MTUS2: variants seen among roughly 807,000 people sequenced by gnomAD.
MTUS2 encodes microtubule associated scaffold protein 2, also known as microtubule-associated tumor suppressor candidate 2.
MTUS2 carries 40 observed loss-of-function variants against 114.1 expected under a neutral mutation model. The ratio of observed to expected loss-of-function variants is 0.35; its 90% CI spans 0.27 to 0.46. The LOEUF (loss-of-function observed/expected upper bound fraction) is 0.46, where lower values mean the gene tolerates loss of function less well. Ranked by LOEUF, MTUS2 falls within the 20% of genes least tolerant of loss-of-function variation. The probability of loss-of-function intolerance (pLI) is 1.00; values close to 1 mark genes in which losing one functional copy is unlikely to be tolerated. For synonymous variants in MTUS2, 688 were observed against 672.0 expected (o/e 1.02, Z -0.37); for missense variants, 1,679 against 1,705.4 (o/e 0.98, Z 0.27).
At chr13:29,196,107 TTTTTTTTG>T (rs946785456) in intron 5 of MTUS2, among the ~76,000 whole-genome samples, 1 of 151,938 alleles carries the variant, frequency 6.6e-6, no homozygotes, top group African/African-American at 2.4e-5. Context: ...GATTTTTTTT[TTTTTTTTG>T]AGATGGAGTC....
At chr13:28,886,360 G>T (rs1200828138) in intron 2 of MTUS2, among the ~76,000 whole-genome samples, 1 of 152,090 alleles carries the variant, frequency 6.6e-6, no homozygotes, top group African/African-American at 2.4e-5. Context: ...AGTAATGCAG[G>T]CAGGAGATTA....
chr13:29,476,374 T>TTC (rs1880705492), intron 9 of MTUS2: 1 of 121,872 alleles, frequency 8.2e-6, no homozygotes, highest in Non-Finnish European at 1.8e-5. Context: ...TTTCATTGTT[T>TTC]TATTTTGCCA....
intron 2 of MTUS2, among the ~76,000 whole-genome samples, chr13:28,936,363 A>G (rs1881899107): frequency 1.3e-5 from 2 of 152,196 alleles, no homozygotes; most frequent in Non-Finnish European, 2.9e-5. Context: ...GGAGATAAAA[A>G]TGCTTTATCT....
At chr13:28,878,720 C>G (rs549553593) in intron 2 of MTUS2, among the ~76,000 whole-genome samples, 1 of 152,262 alleles carries the variant, frequency 6.6e-6, no homozygotes, top group South Asian at 2.1e-4. Context: ...TTTTCTTTAT[C>G]CAGTCTATCA....
chr13:29,091,352 G>T (rs151180541), intron 4 of MTUS2, among the ~76,000 whole-genome samples: 57 of 152,228 alleles, frequency 3.7e-4, no homozygotes, highest in African/African-American at 1.3e-3. Flanking sequence ...GGTGCCATGG[G>T]TGTTTTTCTC....
chr13:29,408,418 C>T (rs1011541049), intron 8 of MTUS2, among the ~76,000 whole-genome samples: 58 of 152,234 alleles, frequency 3.8e-4, no homozygotes, highest in African/African-American at 1.3e-3. Context: ...TGGGCTCAAG[C>T]GATCCTCCCA....
chr13:29,381,703 G>C (rs539899249), intron 8 of MTUS2, among the ~76,000 whole-genome samples: 7 of 152,102 alleles, frequency 4.6e-5, no homozygotes, highest in Non-Finnish European at 1.0e-4. Flanking sequence ...CCTCCCAGTC[G>C]TTTAGGTTTG....
intron 6 of MTUS2, among the ~76,000 whole-genome samples, chr13:29,312,302 A>G (rs1019508763): frequency 6.6e-5 from 10 of 152,204 alleles, no homozygotes; most frequent in African/African-American, 1.9e-4. Flanking sequence ...GAAATCTCCA[A>G]CAGCTAATAC....
intron 1 of MTUS2, among the ~76,000 whole-genome samples, chr13:28,836,536 GT>G (rs1472957374): frequency 6.6e-6 from 1 of 152,206 alleles, no homozygotes; most frequent in East Asian, 1.9e-4. Context: ...GAAGTATCAT[GT>G]TTTATTGTGC....
intron 13 of MTUS2, 41 bp downstream of exon 13, chr13:29,497,377 C>G (rs770871373): frequency 6.4e-7 from 1 of 1,561,424 alleles, no homozygotes; most frequent in South Asian, 1.2e-5. Context: ...GCAGGAACCC[C>G]GCCCCAGCAA....
At chr13:29,096,692 A>C (rs1323009524) in intron 4 of MTUS2, among the ~76,000 whole-genome samples, 4 of 152,176 alleles carry the variant, frequency 2.6e-5, no homozygotes, top group African/African-American at 4.8e-5. Context: ...CTCTGTTCTT[A>C]TGGCCTGCCT....
At chr13:29,090,122 T>G (rs181361662) in intron 4 of MTUS2, among the ~76,000 whole-genome samples, 32 of 152,310 alleles carry the variant, frequency 2.1e-4, no homozygotes, top group African/African-American at 7.7e-4. Flanking sequence ...TTTTATGTTC[T>G]TTGATGCCCT....
intron 2 of MTUS2, among the ~76,000 whole-genome samples, chr13:28,941,698 C>T (rs1882247404): frequency 6.6e-6 from 1 of 151,534 alleles, no homozygotes; most frequent in African/African-American, 2.4e-5. Context: ...TTAATAGCTT[C>T]TTCAATCATT....
chr13:29,352,766 G>A (rs908821988), intron 7 of MTUS2, among the ~76,000 whole-genome samples: 4 of 152,096 alleles, frequency 2.6e-5, no homozygotes, highest in Non-Finnish European at 5.9e-5. Flanking sequence ...TGGACATTTT[G>A]GTTGTTTCAC....
intron 9 of MTUS2, among the ~76,000 whole-genome samples, chr13:29,440,932 T>G (rs191178841): frequency 6.6e-6 from 1 of 152,158 alleles, no homozygotes. Context: ...GTGGACAGAA[T>G]AGTGAGATCC....
intron 6 of MTUS2, among the ~76,000 whole-genome samples, chr13:29,310,020 A>G (rs563594427): frequency 7.2e-5 from 11 of 152,166 alleles, no homozygotes; most frequent in African/African-American, 2.4e-4. Flanking sequence ...TATTTATTCT[A>G]TCTAACTATA....
chr13:28,966,299 A>G (rs1281711637), intron 2 of MTUS2, among the ~76,000 whole-genome samples: 2 of 152,260 alleles, frequency 1.3e-5, no homozygotes, highest in Non-Finnish European at 2.9e-5. Context: ...TCTAATTATC[A>G]TAGCCTTTTA....
chr13:28,887,134 A>G (rs367754872), intron 2 of MTUS2, among the ~76,000 whole-genome samples: 2 of 152,224 alleles, frequency 1.3e-5, no homozygotes, highest in African/African-American at 4.8e-5. Flanking sequence ...GTTGGCCTTC[A>G]TTTTGTGGAT....
At chr13:28,979,549 T>A (rs1884266688) in intron 2 of MTUS2, among the ~76,000 whole-genome samples, 1 of 152,222 alleles carries the variant, frequency 6.6e-6, no homozygotes, top group African/African-American at 2.4e-5. Context: ...TTTAGTTATA[T>A]TATCTTGAGG....
Sources: gnomAD v4.1 joint callset for allele counts (sites outside exome capture counted in the v4.1 genomes callset) on GRCh38, gnomAD v4.1.1 for gene constraint, MANE v1.5 for transcripts, NCBI Gene and HGNC (gene_info 2026-07-23, HGNC 2026-07-21) for gene names.